NTM: variants seen among roughly 807,000 people sequenced by gnomAD.
NTM encodes IgLON family member 2.
NTM carries 13 observed loss-of-function variants against 42.1 expected under a neutral mutation model. That is an observed-to-expected ratio of 0.31 (90% CI 0.20 to 0.49). The LOEUF is 0.49. Among genes scored for constraint, NTM ranks in the 20% least tolerant of loss-of-function variants. The pLI is 0.99. For synonymous variants in NTM, 187 were observed against 179.2 expected, an observed-to-expected ratio of 1.04 and a Z score of -0.35; for missense variants, 373 against 452.8, an observed-to-expected ratio of 0.82 and a Z score of 1.60.
chr11:132,022,231 A>G (rs2074455578), intron 2 of NTM, among the ~76,000 whole-genome samples: 1 of 152,242 alleles, frequency 6.6e-6, no homozygotes, highest in African/African-American at 2.4e-5. Context: ...TCACAAGAAC[A>G]TATGCTTCTC....
At chr11:132,190,067 G>A (rs1337826413) in intron 3 of NTM, among the ~76,000 whole-genome samples, 1 of 152,232 alleles carries the variant, frequency 6.6e-6, no homozygotes, top group African/African-American at 2.4e-5. Flanking sequence ...ATTCTGGCCA[G>A]GGGAGTTCCT....
chr11:132,234,812 T>C (rs997856245), intron 4 of NTM, among the ~76,000 whole-genome samples: 4 of 152,368 alleles, frequency 2.6e-5, no homozygotes, highest in African/African-American at 9.6e-5. Flanking sequence ...GAAGTATGTG[T>C]CATTTATATT....
intron 1 of NTM, among the ~76,000 whole-genome samples, chr11:131,859,898 G>A (rs375187461): frequency 1.3e-5 from 2 of 151,780 alleles, no homozygotes; most frequent in Non-Finnish European, 1.5e-5. Context: ...GACTATTAAA[G>A]GTTGTTCTTA....
At chr11:131,889,727 T>C (rs1471738448) in intron 1 of NTM, among the ~76,000 whole-genome samples, 2 of 152,002 alleles carry the variant, frequency 1.3e-5, no homozygotes, top group Admixed American at 6.6e-5. Flanking sequence ...GAGTGGGAAG[T>C]GCAAAGAGAG....
chr11:132,067,526 G>T (rs1411683556), intron 2 of NTM, among the ~76,000 whole-genome samples: 1 of 152,220 alleles, frequency 6.6e-6, no homozygotes, highest in Non-Finnish European at 1.5e-5. Context: ...GAAACTAGAA[G>T]ACGGGTTATC....
intron 3 of NTM, among the ~76,000 whole-genome samples, chr11:132,158,621 C>G (rs2073691145): frequency 6.6e-6 from 1 of 152,202 alleles, no homozygotes; most frequent in Non-Finnish European, 1.5e-5. Flanking sequence ...ACTCTGTAAG[C>G]ATTTGTCAAA....
intron 2 of NTM, among the ~76,000 whole-genome samples, chr11:132,058,804 T>C (rs2080144478): frequency 6.6e-6 from 1 of 152,218 alleles, no homozygotes; most frequent in African/African-American, 2.4e-5. Context: ...TGAATCCTCT[T>C]GTTTGAACCT....
At chr11:131,428,722 T>A (rs1257304337) in intron 1 of NTM, among the ~76,000 whole-genome samples, 1 of 152,066 alleles carries the variant, frequency 6.6e-6, no homozygotes, top group Non-Finnish European at 1.5e-5. Context: ...CCTGGCCTGA[T>A]AATTGAATAA....
rs1955441699 is a variant in NTM at position 131,497,223 on chromosome 11, C to A, written c.82+126335C>A. 2.0e-5 allele frequency among the ~76,000 whole-genome samples: 3 copies of A among 152,170 alleles called. No individual in the cohort carries two copies. In the South Asian group the frequency reaches 6.2e-4, roughly 32 times the overall value. On this transcript the variant is annotated intron_variant, in intron 1 of 8. Transcript: ENST00000683400. ...TATTTTTTCAAGACCGAGTCTTGCTCTGTCACCCAGCCTGGAGTGCAGAGG... is the reference window on the plus strand; with the variant it reads ...TATTTTTTCAAGACCGAGTCTTGCTATGTCACCCAGCCTGGAGTGCAGAGG...
At chr11:132,300,312 G>T (rs1267344654) in intron 4 of NTM, among the ~76,000 whole-genome samples, 1 of 152,168 alleles carries the variant, frequency 6.6e-6, no homozygotes, top group African/African-American at 2.4e-5. Context: ...CTTCCTATAT[G>T]CTAAGTACTT....
At chr11:131,406,573 C>T (rs1451473012) in intron 1 of NTM, among the ~76,000 whole-genome samples, 1 of 152,050 alleles carries the variant, frequency 6.6e-6, no homozygotes, top group Non-Finnish European at 1.5e-5. Context: ...TCTTATACAT[C>T]CTATATATAA....
chr11:132,295,223 G>A (rs745814521), intron 4 of NTM, among the ~76,000 whole-genome samples: 1 of 151,386 alleles, frequency 6.6e-6, no homozygotes, highest in Non-Finnish European at 1.5e-5. Context: ...TCATCAAAGG[G>A]TGTTCTGAAT....
chr11:132,314,527 C>T (rs1565457295), intron 6 of NTM, 25 bp from the exon 7 acceptor site: 1 of 1,595,760 alleles, frequency 6.3e-7, no homozygotes, highest in Non-Finnish European at 8.5e-7. Context: ...TTGTTTTCTT[C>T]TTTTTTGTCT....
Position 132,292,830 on chromosome 11 carries a change from C to T in NTM, c.527-14859C>T, listed in dbSNP as rs1424890182. ...AAAAAAAAACTAAAAAATGTTGGAT[C>T]GGGGGATTTAAATCCCTAGTGAAGA... On this transcript the variant is annotated intron_variant, in intron 4 of 8. Transcript: ENST00000683400. Among the ~76,000 whole-genome samples, 3 of 132,564 alleles carry T rather than the reference C, an allele frequency of 2.3e-5. No individual in the cohort carries two copies. In the South Asian group the frequency reaches 7.6e-4, roughly 34 times the overall value. 87.0% of individuals were successfully genotyped at this position (132,564 alleles called of 152,430 possible).
intron 1 of NTM, among the ~76,000 whole-genome samples, chr11:131,603,383 A>C (rs1017142096): frequency 6.6e-6 from 1 of 152,118 alleles, no homozygotes; most frequent in Non-Finnish European, 1.5e-5. Flanking sequence ...GGTATGGGCC[A>C]AAATTTGCAT....
intron 4 of NTM, among the ~76,000 whole-genome samples, chr11:132,275,513 A>T (rs989447351): frequency 7.3e-5 from 11 of 150,888 alleles, no homozygotes; most frequent in African/African-American, 2.2e-4. Flanking sequence ...TTTGAAATGA[A>T]TTTTTTTTCA....
At chr11:131,669,988 T>C (rs1325208845) in intron 1 of NTM, among the ~76,000 whole-genome samples, 1 of 152,136 alleles carries the variant, frequency 6.6e-6, no homozygotes, top group Non-Finnish European at 1.5e-5. Flanking sequence ...TGGCGTCCGA[T>C]TGAAGCGGAG....
intron 1 of NTM, among the ~76,000 whole-genome samples, chr11:131,671,923 G>C (rs561831408): frequency 6.6e-6 from 1 of 152,296 alleles, no homozygotes; most frequent in East Asian, 1.9e-4. Flanking sequence ...CCGGGACAAA[G>C]AGGCCTCTGT....
chr11:131,843,431 G>T (rs181166031), intron 1 of NTM, among the ~76,000 whole-genome samples: 14 of 152,194 alleles, frequency 9.2e-5, no homozygotes, highest in African/African-American at 2.9e-4. Flanking sequence ...TCTGAGATTT[G>T]ATTTATTCCT....
Sources: gnomAD v4.1 joint callset for allele counts (sites outside exome capture counted in the v4.1 genomes callset) on GRCh38, gnomAD v4.1.1 for gene constraint, MANE v1.5 for transcripts, NCBI Gene and HGNC (gene_info 2026-07-23, HGNC 2026-07-21) for gene names.